UBR1: variants seen among roughly 807,000 people sequenced by gnomAD.
UBR1 encodes the protein E3 ubiquitin-protein ligase UBR1.
Under a neutral mutation model 242.1 loss-of-function variants are expected in UBR1, and 102 were observed. The observed-to-expected ratio is 0.42, with a 90% CI of 0.36 to 0.50. The LOEUF (loss-of-function observed/expected upper bound fraction) is 0.50, where lower values mean the gene tolerates loss of function less well. Ranked by LOEUF, UBR1 falls within the 20% of genes least tolerant of loss-of-function variation. The pLI, the probability that UBR1 is intolerant of heterozygous loss-of-function variation, is 0.01. For synonymous variants in UBR1, 675 were observed against 684.8 expected (o/e 0.99, Z 0.22); for missense variants, 1,772 against 2,101.8 (o/e 0.84, Z 3.07).
At chr15:43,036,301 A>G (rs769808229) in intron 18 of UBR1, 22 bp from the exon 19 acceptor site, 11 of 1,584,458 alleles carry the variant, frequency 6.9e-6, no homozygotes, top group Non-Finnish European at 9.5e-6. Flanking sequence ...ATCCAGCATC[A>G]TATTTCTTCT....
At chr15:42,979,656 TCCTCCTG>T (rs1291953328) in intron 37 of UBR1, among the ~76,000 whole-genome samples, 1 of 152,134 alleles carries the variant, frequency 6.6e-6, no homozygotes, top group Non-Finnish European at 1.5e-5. Flanking sequence ...GTTCAAGCAA[TCCTCCTG>T]CCTCAGCCTC....
chr15:42,998,714 T>C (rs2032676386), intron 32 of UBR1, among the ~76,000 whole-genome samples: 1 of 152,220 alleles, frequency 6.6e-6, no homozygotes, highest in Non-Finnish European at 1.5e-5. Context: ...ATTACTTAAA[T>C]AGACTCCTAA....
chr15:43,030,961 C>T (rs907595022), intron 20 of UBR1, among the ~76,000 whole-genome samples: 1 of 151,988 alleles, frequency 6.6e-6, no homozygotes, highest in Non-Finnish European at 1.5e-5. Flanking sequence ...AACTTTTCAC[C>T]AAAAACAGTA....
chr15:43,007,054 A>C, intron 30 of UBR1, 25 bp downstream of exon 30: 1 of 1,609,528 alleles, frequency 6.2e-7, no homozygotes, highest in Non-Finnish European at 8.5e-7. Flanking sequence ...AATGCACAAA[A>C]GGATATTTAT....
rs538687989 is a variant in UBR1 at position 43,087,213 on chromosome 15, G to A, written c.82-973C>T. On this transcript the variant is annotated intron_variant, in intron 1 of 46. Coordinates refer to ENST00000290650, the MANE Select transcript of UBR1 (RefSeq NM_174916.3). ...GAGGTCAGGAGATCGAGACCACCCT[G>A]GCTAACACAGTGAAACCCCGCCTCT... Among the ~76,000 whole-genome samples, 183 of 152,170 alleles carry A rather than the reference G, an allele frequency of 1.2e-3. 2 individuals are homozygous for A. Among genetic ancestry groups the A allele is most frequent in the African/African-American group, 4.4e-3 (181 of 41,520 alleles).
At chr15:42,954,422 T>A (rs1488082324) in intron 44 of UBR1, among the ~76,000 whole-genome samples, 4 of 152,108 alleles carry the variant, frequency 2.6e-5, no homozygotes, top group African/African-American at 9.7e-5. Context: ...GGCTAGGGTG[T>A]GAGCTACTGA....
At chr15:43,074,461 C>T (rs1381113044) in intron 4 of UBR1, among the ~76,000 whole-genome samples, 1 of 152,182 alleles carries the variant, frequency 6.6e-6, no homozygotes, top group African/African-American at 2.4e-5. Flanking sequence ...GATAGTCTCA[C>T]TCTGTCGCCC....
chr15:43,002,171 C>T (rs1373796457), intron 32 of UBR1, among the ~76,000 whole-genome samples: 6 of 151,976 alleles, frequency 3.9e-5, no homozygotes, highest in African/African-American at 1.5e-4. Flanking sequence ...GAATAAAAAA[C>T]AGTAATGTAA....
chr15:43,046,119 G>A lies in UBR1; in HGVS notation c.1668+1042C>T, dbSNP rs1409240208. On this transcript the variant is annotated intron_variant, in intron 14 of 46. Transcript: ENST00000290650. ...ATACTAAATGTAGATGACTTCAGAAGGTTTGGAAGAAGTCAAGATGAAACC... is the reference window on the plus strand; with the variant it reads ...ATACTAAATGTAGATGACTTCAGAAAGTTTGGAAGAAGTCAAGATGAAACC... Among the ~76,000 whole-genome samples the A allele has an allele frequency of 4.6e-5, 7 of 152,296 alleles. 1 individual carries two copies. The South Asian group carries it at 1.0e-3, about 23-fold the overall frequency.
At chr15:42,981,762 G>A (rs968980232) in intron 37 of UBR1, among the ~76,000 whole-genome samples, 15 of 152,182 alleles carry the variant, frequency 9.9e-5, no homozygotes, top group African/African-American at 3.6e-4. Flanking sequence ...CTCAATATTT[G>A]AAGCATGTAT....
intron 11 of UBR1, among the ~76,000 whole-genome samples, chr15:43,055,840 G>A (rs1193134490): frequency 2.0e-5 from 3 of 151,750 alleles, no homozygotes; most frequent in East Asian, 2.0e-4. Context: ...GCTTGAACCC[G>A]GGAGGCGGAG....
At chr15:42,975,450 T>C (rs1374804670) in intron 39 of UBR1, among the ~76,000 whole-genome samples, 2 of 152,020 alleles carry the variant, frequency 1.3e-5, no homozygotes, top group African/African-American at 4.8e-5. Context: ...TCTGTTTTTT[T>C]TGATATCCCA....
Position 43,021,315 on chromosome 15 carries a change from T to G in UBR1, c.2900A>C (p.Gln967Pro). The G allele has an allele frequency of 6.2e-7, 1 of 1,613,798 alleles. No homozygotes were observed. Among genetic ancestry groups the G allele is most frequent in the Non-Finnish European group, 8.5e-7 (1 of 1,179,844 alleles). Residue 967 changes from glutamine to proline, a missense_variant, in exon 27 of 47, where the codon CAG becomes CCG. Gln to Pro is a moderately conservative substitution (Grantham distance 76, BLOSUM62 -1). Transcript: ENST00000290650. ...TATCATGTCCTTCTGGCCTTCTAAC[T>G]GGGGAATTCCTTTGAGTTTTTCCAA... is the stretch of plus-strand genomic sequence containing the variant. ...MLLEKLKGIP[Q>P]LEGQKDMITW... is the part of the protein sequence containing the mutation.
intron 1 of UBR1, among the ~76,000 whole-genome samples, chr15:43,101,663 C>T (rs571863121): frequency 3.3e-5 from 5 of 151,938 alleles, no homozygotes; most frequent in African/African-American, 1.2e-4. Context: ...AACCCCACCT[C>T]TACTAAAAAT....
chr15:43,016,197 C>A (rs1047462183), intron 28 of UBR1, among the ~76,000 whole-genome samples: 1 of 152,176 alleles, frequency 6.6e-6, no homozygotes, highest in African/African-American at 2.4e-5. Flanking sequence ...TAATCACTGA[C>A]AATTTAAACA....
intron 1 of UBR1, among the ~76,000 whole-genome samples, chr15:43,090,881 T>C (rs2141364848): frequency 6.6e-6 from 1 of 152,286 alleles, no homozygotes; most frequent in South Asian, 2.1e-4. Context: ...AGTCCTAAAG[T>C]TCAGTGCCCA....
chr15:42,960,496 C>A (rs977612695), intron 43 of UBR1, 149 bp downstream of exon 43: 1 of 802,944 alleles, frequency 1.2e-6, no homozygotes, highest in Non-Finnish European at 2.1e-6. Flanking sequence ...TAGGAAGAAT[C>A]TGATTTCTGG....
At chr15:43,039,313 T>C (rs1340420895) in intron 15 of UBR1, among the ~76,000 whole-genome samples, 2 of 152,248 alleles carry the variant, frequency 1.3e-5, no homozygotes, top group Non-Finnish European at 2.9e-5. Flanking sequence ...TCCATGAGCA[T>C]GGAATGTTCT....
chr15:43,091,071 T>C (rs1434901620), intron 1 of UBR1, among the ~76,000 whole-genome samples: 1 of 152,134 alleles, frequency 6.6e-6, no homozygotes, highest in African/African-American at 2.4e-5. Context: ...CCCGAGTAGC[T>C]AGGATTACAG....
Sources: gnomAD v4.1 joint callset for allele counts (sites outside exome capture counted in the v4.1 genomes callset) on GRCh38, gnomAD v4.1.1 for gene constraint, MANE v1.5 for transcripts, NCBI Gene and HGNC (gene_info 2026-07-23, HGNC 2026-07-21) for gene names.